PIGH: variants seen among roughly 807,000 people sequenced by gnomAD.
PIGH encodes phosphatidylinositol N-acetylglucosaminyltransferase subunit H.
PIGH carries 11 observed loss-of-function variants against 20.1 expected under a neutral mutation model. The observed-to-expected ratio is 0.55, with a 90% confidence interval of 0.34 to 0.91. The LOEUF is 0.91. Among genes scored for constraint, PIGH ranks in the 40% least tolerant of loss-of-function variants. The pLI is 0.02. For missense variants in PIGH, 189 were observed against 233.6 expected (o/e 0.81, Z 1.24); for synonymous variants, 72 against 93.1 (o/e 0.77, Z 1.31).
rs1347234247 is a variant in PIGH, at chr14:67,593,491, A to C, written c.390+252T>G. ...GGGCAACAGAGTGAGACCCTGTCTC[A>C]AAAAAAAAAAAAGAAAAAAGATAGA... On this transcript the variant is annotated intron_variant, in intron 2 of 3. Coordinates refer to ENST00000216452, the MANE Select transcript of PIGH (RefSeq NM_004569.5). 6.1e-3 allele frequency: 22 copies of C among 3,622 alleles called. No individual in the cohort carries two copies. The African/African-American group carries it at 0.1, about 16-fold the overall frequency. The allele number at this position is 3,622 out of a possible 1,614,324, so 0.2% of individuals were successfully genotyped here. A position where few individuals can be genotyped will look rare whatever the true frequency, so the allele number is the denominator to read the frequency against.
intron 1 of PIGH, among the ~76,000 whole-genome samples, chr14:67,598,385 A>G (rs61990083): frequency 0.091 from 13,903 of 152,210 alleles, 676 homozygotes; most frequent in Middle Eastern, 0.13. Context: ...TCAGCTATAC[A>G]ATGGTATAAA....
chr14:67,595,381 T>C (rs924745719), intron 1 of PIGH, among the ~76,000 whole-genome samples: 2 of 152,190 alleles, frequency 1.3e-5, no homozygotes, highest in African/African-American at 4.8e-5. Flanking sequence ...AAATCCTAAG[T>C]CAAACCATCG....
intron 1 of PIGH, among the ~76,000 whole-genome samples, chr14:67,599,747 G>A (rs1032862433): frequency 1.3e-5 from 2 of 152,186 alleles, no homozygotes; most frequent in African/African-American, 4.8e-5. Flanking sequence ...GTTTTAGGCC[G>A]TCGCGCAAGA....
chr14:67,600,043 C>T lies in PIGH; in HGVS notation c.161G>A (p.Gly54Glu). ...CATTACCTCGCAGAGGGTGAAGAGT[C>T]CGTAGGCCGCCAGCCACACCGTGCA... ...VTCTVWLAAYGLFTLCENSMI... is the reference protein window; with the variant it reads ...VTCTVWLAAYELFTLCENSMI... Residue 54 changes from glycine (G) to glutamate (E), a missense_variant, in exon 1 of 4, where the codon GGA becomes GAA. By Grantham distance (98) the Gly-to-Glu change is moderately conservative. Transcript: ENST00000216452. 1 of 1,574,904 alleles carries T rather than the reference C, an allele frequency of 6.3e-7. No homozygotes were observed. The highest frequency in any genetic ancestry group is 8.6e-7 in the Non-Finnish European group (1 of 1,162,072).
intron 1 of PIGH, among the ~76,000 whole-genome samples, chr14:67,597,405 G>A (rs1027414477): frequency 1.3e-5 from 2 of 151,952 alleles, no homozygotes; most frequent in African/African-American, 4.8e-5. Context: ...TTGAGTCCAG[G>A]AGACTGAGGC....
intron 1 of PIGH, among the ~76,000 whole-genome samples, chr14:67,599,650 G>A (rs2036537313): frequency 6.6e-6 from 1 of 152,274 alleles, no homozygotes; most frequent in South Asian, 2.1e-4. Context: ...AGAAGGGATG[G>A]ACGAGGAAGA....
intron 1 of PIGH, 60 bp downstream of exon 1, chr14:67,599,964 A>G: frequency 1.2e-5 from 17 of 1,426,912 alleles, no homozygotes; most frequent in Non-Finnish European, 1.4e-5. Context: ...AAGACCCCAA[A>G]GACCCTCCCA....
intron 1 of PIGH, among the ~76,000 whole-genome samples, chr14:67,599,668 A>G (rs1431306340): frequency 6.6e-6 from 1 of 152,196 alleles, no homozygotes; most frequent in Non-Finnish European, 1.5e-5. Context: ...AGACCCACTT[A>G]GTAGTTCCTT....
In PIGH at chr14:67,589,326, T is replaced by C; in HGVS notation, c.*754A>G. On this transcript the variant is annotated 3_prime_UTR_variant, in exon 4 of 4. Coordinates refer to ENST00000216452, the MANE Select transcript of PIGH (RefSeq NM_004569.5). ...AAACAAAGGATTCAATATTTGCTTA[T>C]TTATTCTTTGTTAACATGAGAGTCC... 2.0e-6 allele frequency: 2 copies of C among 979,762 alleles called. No individual in the cohort carries two copies. The highest frequency in any genetic ancestry group is 3.5e-5 in the African/African-American group (2 of 57,266). The allele number at this position is 979,762 out of a possible 1,614,324, so 60.7% of individuals were successfully genotyped here. A position where few individuals can be genotyped will look rare whatever the true frequency, so the allele number is the denominator to read the frequency against.
At chr14:67,592,585 T>C (rs548265580) in intron 3 of PIGH, 50 bp downstream of exon 3, 8 of 1,088,512 alleles carry the variant, frequency 7.3e-6, no homozygotes, top group African/African-American at 6.2e-5. Context: ...ACATTCCTAA[T>C]GAAAAGGTTG....
At position 67,593,962 on chromosome 14, in the gene PIGH, G is replaced by C; in HGVS notation, c.181-10C>G. ...AGAGGATCATGCTGTTCTGAAGAGA[G>C]AGCCAGACACAGACAGTAAGATTAC... On this transcript the variant is annotated splice_polypyrimidine_tract_variant and intron_variant, in intron 1 of 3. Transcript: ENST00000216452. 1 of 1,590,084 alleles carries C rather than the reference G, an allele frequency of 6.3e-7. No homozygotes were observed. The highest frequency in any genetic ancestry group is 1.3e-5 in the African/African-American group (1 of 74,520).
rs373285205 is a variant in PIGH at position 67,592,670 on chromosome 14, G to T, written c.439C>A (p.Pro147Thr). The T allele has an allele frequency of 1.3e-5, 21 of 1,608,858 alleles. No homozygotes were observed. In the Admixed American group the frequency reaches 3.2e-4, roughly 24 times the overall value. ...GGTACTACTTGGGATATCCCATGTG[G>T]TTCCACTGGATCTTTCAATAAGATG... ...LCILLKDPVE[P>T]HGISQVVPVF... The change falls in exon 3 of 4, where the codon CCA becomes ACA. Residue 147 changes from proline (P) to threonine (T), a missense_variant. Physicochemically the swap from Pro to Thr is conservative, Grantham distance 38. Transcript: ENST00000216452.
chr14:67,589,329 A>G lies in PIGH; in HGVS notation c.*751T>C, dbSNP rs1214256863. 2.0e-6 allele frequency: 2 copies of G among 979,592 alleles called. No homozygotes were observed. Among genetic ancestry groups the G allele is most frequent in the Non-Finnish European group, 2.4e-6 (2 of 824,786 alleles). 60.7% of individuals were successfully genotyped at this position (979,592 alleles called of 1,614,324 possible). On this transcript the variant is annotated 3_prime_UTR_variant, in exon 4 of 4. Transcript: ENST00000216452. ...CAAAGGATTCAATATTTGCTTATTT[A>G]TTCTTTGTTAACATGAGAGTCCCAT...
chr14:67,594,592 G>A (rs915663486), intron 1 of PIGH, among the ~76,000 whole-genome samples: 3 of 151,820 alleles, frequency 2.0e-5, no homozygotes, highest in African/African-American at 4.8e-5. Flanking sequence ...GGCGGAGGTT[G>A]CAGTGAGCCG....
Position 67,590,045 on chromosome 14 carries a change from A to G in PIGH, c.*35T>C, listed in dbSNP as rs553304711. 55 of 1,541,098 alleles carry G rather than the reference A, an allele frequency of 3.6e-5. No individual in the cohort carries two copies. Among genetic ancestry groups the G allele is most frequent in the Non-Finnish European group, 4.5e-5 (51 of 1,143,232 alleles). ...CCCTATGGCTTAAGAGTCATCTCCCATGGAAGACAATGCTGGCCTTCTGAA... is the reference window on the plus strand; with the variant it reads ...CCCTATGGCTTAAGAGTCATCTCCCGTGGAAGACAATGCTGGCCTTCTGAA... On this transcript the variant is annotated 3_prime_UTR_variant, in exon 4 of 4. Transcript: ENST00000216452.
intron 1 of PIGH, among the ~76,000 whole-genome samples, chr14:67,596,986 C>G (rs1244356120): frequency 6.6e-6 from 1 of 152,198 alleles, no homozygotes; most frequent in African/African-American, 2.4e-5. Context: ...CTTTGATGGT[C>G]TCTTTCTACT....
chr14:67,592,531 A>C, intron 3 of PIGH, 104 bp downstream of exon 3: 1 of 680,662 alleles, frequency 1.5e-6, no homozygotes, highest in Non-Finnish European at 2.6e-6. Context: ...TTATCACTCA[A>C]AACAGCTGTC....
intron 3 of PIGH, among the ~76,000 whole-genome samples, chr14:67,591,158 A>T (rs1335112320): frequency 6.6e-6 from 1 of 152,168 alleles, no homozygotes; most frequent in African/African-American, 2.4e-5. Flanking sequence ...GGTAGTTTAA[A>T]GTAAGAGGAA....
rs1311828469 is a variant in PIGH, at chr14:67,592,632, C to A, written c.474+3G>T. 1.3e-6 allele frequency: 2 copies of A among 1,564,062 alleles called. No homozygotes were observed. Among genetic ancestry groups the A allele is most frequent in the Admixed American group, 3.3e-5 (2 of 59,844 alleles). On this transcript the variant is annotated splice_donor_region_variant and intron_variant, in intron 3 of 3. Coordinates refer to ENST00000216452, the MANE Select transcript of PIGH (RefSeq NM_004569.5). ...GAGAATGGTAAAAGTATTCTATGCT[C>A]ACCTGGAAGACGGGTACTACTTGGG...
Sources: gnomAD v4.1 joint callset for allele counts (sites outside exome capture counted in the v4.1 genomes callset) on GRCh38, gnomAD v4.1.1 for gene constraint, MANE v1.5 for transcripts, NCBI Gene and HGNC (gene_info 2026-07-23, HGNC 2026-07-21) for gene names.